Variants in MGST1 observed in about 807,000 individuals in gnomAD.
MGST1 encodes glutathione S-transferase 12.
Under a neutral mutation model 8.9 loss-of-function variants are expected in MGST1, and 5 were observed. The observed-to-expected ratio is 0.56, with a 90% CI of 0.29 to 1.19. The LOEUF is 1.19. Among genes scored for constraint, MGST1 ranks in the 50% most tolerant of loss-of-function variants. MGST1 has a pLI of 0.08. For synonymous variants in MGST1, 54 were observed against 67.8 expected, an observed-to-expected ratio of 0.80 and a Z score of 1.00; for missense variants, 182 against 187.4, an observed-to-expected ratio of 0.97 and a Z score of 0.17.
chr12:16,485,891 A>G (rs1941396392), intron 4 of MGST1, among the ~76,000 whole-genome samples: 1 of 152,226 alleles, frequency 6.6e-6, no homozygotes, highest in South Asian at 2.1e-4. Flanking sequence ...GAAGGTAGAA[A>G]AAAAGAAATT....
intron 4 of MGST1, among the ~76,000 whole-genome samples, chr12:16,493,688 C>T (rs1325007316): frequency 1.3e-5 from 2 of 152,152 alleles, no homozygotes; most frequent in African/African-American, 2.4e-5. Context: ...TCTCAGGAGA[C>T]TCCAGGAGTA....
At position 16,573,960 on chromosome 12, in the gene MGST1, TATTACGGAACTG is replaced by T. The variant is rs1942910826; in HGVS notation, n.483-15567_483-15556del. On this transcript the variant is annotated intron_variant and non_coding_transcript_variant, in intron 4 of 4. Transcript: ENST00000538857. Reference sequence around the variant, plus strand: ...ATCAAGTCACATTAAGAAAGGAATGTATTACGGAACTGGAGTCCGTGCCCCTCAGAGCATTAC... The same window carrying T: ...ATCAAGTCACATTAAGAAAGGAATGTGAGTCCGTGCCCCTCAGAGCATTAC... The T allele has an allele frequency of 2.6e-5, 4 of 152,186 alleles. No homozygotes were observed. In the South Asian group the frequency reaches 8.3e-4, roughly 32 times the overall value. 9.4% of individuals were successfully genotyped at this position (152,186 alleles called of 1,614,324 possible).
chr12:16,458,730 G>A lies in MGST1; in HGVS notation n.482+75126G>A, dbSNP rs376126795. ...TATCATCATTTTACTGTAAACAGAGGTTTCATATGACTGGAATTGCAGCTT... is the reference window on the plus strand; with the variant it reads ...TATCATCATTTTACTGTAAACAGAGATTTCATATGACTGGAATTGCAGCTT... On this transcript the variant is annotated intron_variant and non_coding_transcript_variant, in intron 4 of 4. Transcript: ENST00000538857. This position sits in a 1 kb window ranked among gnomAD's most constrained non-coding sequence, Gnocchi z 4.0. Among the ~76,000 whole-genome samples the A allele has an allele frequency of 6.6e-6, 1 of 152,000 alleles. No individual in the cohort carries two copies. Among genetic ancestry groups the A allele is most frequent in the Non-Finnish European group, 1.5e-5 (1 of 67,958 alleles).
rs182906766 is a variant in MGST1, at chr12:16,582,545, T to C, written n.483-6983T>C. Among the ~76,000 whole-genome samples the C allele has an allele frequency of 6.6e-6, 1 of 152,338 alleles. No homozygotes were observed. Among genetic ancestry groups the C allele is most frequent in the East Asian group, 1.9e-4 (1 of 5,180 alleles). ...GTGTAACACTTAATTGTGGATACTA[T>C]GGAAGTGGCTAGATATACATTGCTT... On this transcript the variant is annotated intron_variant and non_coding_transcript_variant, in intron 4 of 4. Coordinates refer to the MGST1 transcript ENST00000538857. This position sits in a 1 kb window ranked among gnomAD's most constrained non-coding sequence, Gnocchi z 4.1.
chr12:16,415,581 T>G (rs190847087), intron 1 of MGST1, among the ~76,000 whole-genome samples: 1 of 152,352 alleles, frequency 6.6e-6, no homozygotes, highest in Admixed American at 6.5e-5. Flanking sequence ...TTCTCTTCCT[T>G]ATGAATTTAT....
In MGST1 at chr12:16,587,945, C is replaced by T. The variant is rs915421336; in HGVS notation, n.483-1583C>T. On this transcript the variant is annotated intron_variant and non_coding_transcript_variant, in intron 4 of 4. Transcript: ENST00000538857. This position sits in a 1 kb window ranked among gnomAD's most constrained non-coding sequence, Gnocchi z 4.3. Reference sequence around the variant, plus strand: ...TTGATTTAATTTTAAATGAACAAAACAAGGAATATTAATTCATGCTTAAAA... The same window carrying T: ...TTGATTTAATTTTAAATGAACAAAATAAGGAATATTAATTCATGCTTAAAA... 6.6e-6 allele frequency among the ~76,000 whole-genome samples: 1 copy of T among 152,088 alleles called. No individual in the cohort carries two copies. Among genetic ancestry groups the T allele is most frequent in the African/African-American group, 2.4e-5 (1 of 41,438 alleles).
In MGST1 at chr12:16,546,279, T is replaced by C. The variant is rs959728984; in HGVS notation, n.483-43249T>C. 2.0e-5 allele frequency among the ~76,000 whole-genome samples: 3 copies of C among 152,170 alleles called. No individual in the cohort carries two copies. The highest frequency in any genetic ancestry group is 4.4e-5 in the Non-Finnish European group (3 of 68,010). ...TGATTATGTATTATCTGAATGTCTCTTGTTCCCATTTTAATTTGTACTATG... is the reference window on the plus strand; with the variant it reads ...TGATTATGTATTATCTGAATGTCTCCTGTTCCCATTTTAATTTGTACTATG... On this transcript the variant is annotated intron_variant and non_coding_transcript_variant, in intron 4 of 4. Coordinates refer to the MGST1 transcript ENST00000538857. The surrounding 1 kb of genome is among the most constrained non-coding windows in gnomAD (Gnocchi z 4.7).
chr12:16,424,287 C>G (rs1940866345), intron 1 of MGST1, among the ~76,000 whole-genome samples: 1 of 152,194 alleles, frequency 6.6e-6, no homozygotes, highest in South Asian at 2.1e-4. Flanking sequence ...TCACCTTCAC[C>G]TTGATCAAAG....
Position 16,497,019 on chromosome 12 carries a change from T to C in MGST1, n.483-92509T>C, listed in dbSNP as rs910426171. ...GCACTGCTAAAAGAGGAAGAAGTTA[T>C]GGATTATAGAAAGGGAATAACTTAG... On this transcript the variant is annotated intron_variant and non_coding_transcript_variant, in intron 4 of 4. Coordinates refer to the MGST1 transcript ENST00000538857. The surrounding 1 kb of genome is among the most constrained non-coding windows in gnomAD (Gnocchi z 4.4). Among the ~76,000 whole-genome samples, 3 of 152,164 alleles carry C rather than the reference T, an allele frequency of 2.0e-5. No homozygotes were observed. The highest frequency in any genetic ancestry group is 6.6e-5 in the Admixed American group (1 of 15,266).
intron 4 of MGST1, among the ~76,000 whole-genome samples, chr12:16,448,677 G>A (rs1591731593): frequency 6.6e-6 from 1 of 151,856 alleles, no homozygotes; most frequent in East Asian, 1.9e-4. Flanking sequence ...AACACATGTT[G>A]GCTGACTCTA....
chr12:16,568,351 A>G (rs1327700512), intron 4 of MGST1, among the ~76,000 whole-genome samples: 1 of 152,252 alleles, frequency 6.6e-6, no homozygotes, highest in Non-Finnish European at 1.5e-5. Flanking sequence ...CATAGAAAAC[A>G]GAAAAGCAAT....
At chr12:16,399,564 T>G in intron 1 of MGST1, 1 of 1,594,052 alleles carries the variant, frequency 6.3e-7, no homozygotes, top group Non-Finnish European at 8.6e-7. Flanking sequence ...CTCTTCCTCT[T>G]CATAGTCATC....
chr12:16,573,260 G>A (rs1942881526), intron 4 of MGST1, among the ~76,000 whole-genome samples: 1 of 151,932 alleles, frequency 6.6e-6, no homozygotes, highest in Non-Finnish European at 1.5e-5. Flanking sequence ...GAATAAGGCA[G>A]GTCCAATTTA....
At chr12:16,420,755 G>C (rs1442813157) in intron 1 of MGST1, among the ~76,000 whole-genome samples, 2 of 152,134 alleles carry the variant, frequency 1.3e-5, no homozygotes, top group African/African-American at 4.8e-5. Flanking sequence ...CTTCTGCTGA[G>C]AACAACTGCC....
intron 4 of MGST1, among the ~76,000 whole-genome samples, chr12:16,487,006 C>A (rs1468847789): frequency 6.6e-6 from 1 of 152,174 alleles, no homozygotes; most frequent in Non-Finnish European, 1.5e-5. Flanking sequence ...AGAACCTAAT[C>A]ATCCAGGTTA....
chr12:16,458,839 A>G lies in MGST1; in HGVS notation n.482+75235A>G, dbSNP rs540724523. Among the ~76,000 whole-genome samples the G allele has an allele frequency of 2.6e-5, 4 of 152,056 alleles. No homozygotes were observed. The highest frequency in any genetic ancestry group is 7.2e-5 in the African/African-American group (3 of 41,442). On this transcript the variant is annotated intron_variant and non_coding_transcript_variant, in intron 4 of 4. Transcript: ENST00000538857. This position sits in a 1 kb window ranked among gnomAD's most constrained non-coding sequence, Gnocchi z 4.0. ...GTTTCCCTCCATCAAGGTTAAGTAC[A>G]TCTTGAAGTCTCCATGTTCAGTGAT...
chr12:16,490,434 T>A (rs1591743702), intron 4 of MGST1, among the ~76,000 whole-genome samples: 2 of 152,180 alleles, frequency 1.3e-5, no homozygotes, highest in Admixed American at 1.3e-4. Flanking sequence ...CAACATGTAA[T>A]ATGAACAAGA....
At chr12:16,591,350 T>C (rs1160462203), downstream of MGST1, among the ~76,000 whole-genome samples, 1 of 151,990 alleles carries the variant, frequency 6.6e-6, no homozygotes, top group African/African-American at 2.4e-5. This position sits in a 1 kb window ranked among gnomAD's most constrained non-coding sequence, Gnocchi z 4.1. Context: ...ATTACTCAAG[T>C]CACCGTCTCA....
intron 1 of MGST1, among the ~76,000 whole-genome samples, chr12:16,403,090 C>T (rs1843319600): frequency 6.6e-6 from 1 of 151,790 alleles, no homozygotes; most frequent in South Asian, 2.1e-4. Context: ...TCATTTTTAG[C>T]CTTTCAACTT....
Sources: allele counts gnomAD v4.1 joint callset (sites outside exome capture counted in the v4.1 genomes callset), GRCh38; gene constraint gnomAD v4.1.1; non-coding constraint Gnocchi (gnomAD v3.1); transcripts MANE v1.5; gene names NCBI Gene and HGNC (gene_info 2026-07-23, HGNC 2026-07-21).